Variants in MED12L observed in about 807,000 individuals in gnomAD.
MED12L encodes the protein mediator complex subunit 12L, also known as mediator of RNA polymerase II transcription subunit 12-like protein.
Under a neutral mutation model 281.3 loss-of-function variants are expected in MED12L, and 60 were observed. That is an observed-to-expected ratio of 0.21 (90% CI 0.17 to 0.26). The LOEUF is 0.26. Ranked by LOEUF, MED12L falls within the 10% of genes least tolerant of loss-of-function variation. The pLI, the probability that MED12L is intolerant of heterozygous loss-of-function variation, is 1.00. For synonymous variants in MED12L, 974 were observed against 987.2 expected, an observed-to-expected ratio of 0.99 and a Z score of 0.25; for missense variants, 2,146 against 2,680.9, an observed-to-expected ratio of 0.80 and a Z score of 4.41.
intron 3 of MED12L, among the ~76,000 whole-genome samples, chr3:151,117,990 C>T (rs1460336371): frequency 1.3e-5 from 2 of 150,330 alleles, no homozygotes; most frequent in African/African-American, 4.9e-5. Flanking sequence ...ACTTGGGAGG[C>T]TGAGGCAGGA....
chr3:151,086,603 A>C, intron 1 of MED12L, 195 bp from the exon 2 acceptor site: 2 of 202,182 alleles, frequency 9.9e-6, no homozygotes, highest in Non-Finnish European at 2.0e-5. Flanking sequence ...CCCTGGAGAC[A>C]AGGTAGGGGG....
At chr3:151,099,880 CA>C (rs1184727686) in intron 2 of MED12L, among the ~76,000 whole-genome samples, 3 of 152,044 alleles carry the variant, frequency 2.0e-5, no homozygotes, top group Non-Finnish European at 4.4e-5. Context: ...TGAGAGTGTG[CA>C]AAGAGATGGA....
At position 151,383,784 on chromosome 3, in the gene MED12L, A is replaced by C; in HGVS notation, c.4686A>C (p.Gly1562=). ...TACTGTATTTTGTCTGCTAGGTAGG[A>C]GGAATGTTTGACACGGTGCAGAGGA... is the stretch of plus-strand genomic sequence containing the variant. ...EALQLRLNLV[G]GMFDTVQRST... Residue 1562 remains glycine, a synonymous_variant, in exon 34 of 45, where the codon GGA becomes GGC. Coordinates refer to ENST00000687756, the MANE Select transcript of MED12L (RefSeq NM_001393769.1). 6.2e-7 allele frequency: 1 copy of C among 1,609,080 alleles called. No individual in the cohort carries two copies. The highest frequency in any genetic ancestry group is 8.5e-7 in the Non-Finnish European group (1 of 1,176,928).
chr3:151,384,983 A>G, intron 35 of MED12L, 47 bp from the exon 36 acceptor site: 2 of 1,040,076 alleles, frequency 1.9e-6, no homozygotes, highest in South Asian at 1.3e-5. Flanking sequence ...CCTTCATTGT[A>G]ATTTCTGTCC....
intron 2 of MED12L, 144 bp from the exon 3 acceptor site, chr3:151,116,194 A>T: frequency 3.4e-6 from 2 of 584,776 alleles, no homozygotes; most frequent in Non-Finnish European, 6.1e-6. Flanking sequence ...TTAAACTTCA[A>T]TTTCTGCCTT....
At chr3:151,234,688 C>T (rs1271822911) in intron 16 of MED12L, among the ~76,000 whole-genome samples, 3 of 152,192 alleles carry the variant, frequency 2.0e-5, no homozygotes, top group Non-Finnish European at 4.4e-5. Context: ...CCCAACCATT[C>T]GAAGCCTCAG....
chr3:151,221,800 G>T (rs867743811), intron 16 of MED12L, among the ~76,000 whole-genome samples: 24 of 152,230 alleles, frequency 1.6e-4, no homozygotes, highest in African/African-American at 5.8e-4. Flanking sequence ...GGAAATGTGG[G>T]ATTGGAGCCC....
At chr3:151,415,236 A>G (rs533531313) in intron 42 of MED12L, among the ~76,000 whole-genome samples, 1 of 152,294 alleles carries the variant, frequency 6.6e-6, no homozygotes, top group South Asian at 2.1e-4. Flanking sequence ...TTCATCATCA[A>G]CACATTCTTC....
At chr3:151,261,040 A>T (rs1559952468) in intron 16 of MED12L, among the ~76,000 whole-genome samples, 1 of 152,116 alleles carries the variant, frequency 6.6e-6, no homozygotes. Flanking sequence ...TGTGTGTTTA[A>T]CAATGGAATG....
chr3:151,167,277 G>A (rs902217562), intron 11 of MED12L, among the ~76,000 whole-genome samples: 1 of 152,132 alleles, frequency 6.6e-6, no homozygotes, highest in African/African-American at 2.4e-5. Context: ...CCTTATTTGG[G>A]GAGAAATAAA....
At chr3:151,408,171 G>A (rs1401640776) in intron 39 of MED12L, among the ~76,000 whole-genome samples, 4 of 152,128 alleles carry the variant, frequency 2.6e-5, no homozygotes, top group Non-Finnish European at 5.9e-5. Flanking sequence ...CTTTGAGCCT[G>A]GCTTTTCCTG....
chr3:151,390,590 G>A (rs1714077795), intron 38 of MED12L, among the ~76,000 whole-genome samples: 2 of 152,094 alleles, frequency 1.3e-5, no homozygotes, highest in African/African-American at 2.4e-5. Flanking sequence ...CCTGATTTTA[G>A]TATTGCTTTG....
rs753729787 is a variant in MED12L, at chr3:151,185,457, C to T, written c.1622C>T (p.Ala541Val). ...LLEKRQAEIE[A>V]ERCGESEVLD... ...GAGAAGAGGCAAGCAGAAATTGAGGCAGAGGTAGGTTCCATTTTCTTTCTG... is the reference window on the plus strand; with the variant it reads ...GAGAAGAGGCAAGCAGAAATTGAGGTAGAGGTAGGTTCCATTTTCTTTCTG... The change falls in exon 12 of 45, where the codon GCA becomes GTA. Residue 541 changes from alanine (A) to valine (V), a missense_variant. Transcript: ENST00000687756. The T allele has an allele frequency of 1.9e-6, 3 of 1,613,734 alleles. No individual in the cohort carries two copies. In the Admixed American group the frequency reaches 5.0e-5, roughly 27 times the overall value.
Position 151,296,940 on chromosome 3 carries a change from A to G in MED12L, c.2251-53119A>G, listed in dbSNP as rs75045150. On this transcript the variant is annotated intron_variant, in intron 16 of 44. Transcript: ENST00000687756. ...TGTTTTGGTTCCCTTCTTTGAGGAG[A>G]GAAACAGGAAAGTTTTGATGATTAA... 5.3e-4 allele frequency among the ~76,000 whole-genome samples: 81 copies of G among 152,278 alleles called. No individual in the cohort carries two copies. In the East Asian group the frequency reaches 0.015, roughly 28 times the overall value.
intron 11 of MED12L, among the ~76,000 whole-genome samples, chr3:151,181,511 C>A (rs1299178332): frequency 6.7e-6 from 1 of 149,970 alleles, no homozygotes; most frequent in Non-Finnish European, 1.5e-5. Flanking sequence ...CTCAAGTAAT[C>A]CTCCTGCCTT....
chr3:151,382,181 C>T (rs183220478), intron 32 of MED12L, among the ~76,000 whole-genome samples: 2 of 152,108 alleles, frequency 1.3e-5, no homozygotes. Context: ...AAGTACCGTG[C>T]GTTCTCTTTA....
intron 5 of MED12L, among the ~76,000 whole-genome samples, chr3:151,129,807 C>T (rs945441422): frequency 6.6e-6 from 1 of 151,902 alleles, no homozygotes; most frequent in East Asian, 1.9e-4. Context: ...GGGTCTCAGT[C>T]ACCCATGTTG....
intron 44 of MED12L, among the ~76,000 whole-genome samples, chr3:151,431,016 A>T (rs1246501735): frequency 6.6e-6 from 1 of 152,060 alleles, no homozygotes; most frequent in South Asian, 2.1e-4. Context: ...ACCTCATCTC[A>T]ATGCCAGCAG....
At chr3:151,381,598 A>G (rs1712358404) in intron 32 of MED12L, among the ~76,000 whole-genome samples, 2 of 152,096 alleles carry the variant, frequency 1.3e-5, no homozygotes, top group South Asian at 4.1e-4. Flanking sequence ...TGCTCCCTTC[A>G]TTCAGTTCTC....
Sources: allele counts gnomAD v4.1 joint callset (sites outside exome capture counted in the v4.1 genomes callset), GRCh38; gene constraint gnomAD v4.1.1; transcripts MANE v1.5; gene names NCBI Gene and HGNC (gene_info 2026-07-23, HGNC 2026-07-21).